Variants in GRM5 observed in about 807,000 individuals in gnomAD.
GRM5 encodes metabotropic glutamate receptor 5.
A neutral mutation model predicts 83.1 loss-of-function variants in GRM5; 19 were observed. The ratio of observed to expected loss-of-function variants is 0.23; its 90% CI spans 0.16 to 0.34. GRM5 has a LOEUF of 0.34. Among genes scored for constraint, GRM5 ranks in the 10% least tolerant of loss-of-function variants. The pLI, the probability that GRM5 is intolerant of heterozygous loss-of-function variation, is 1.00. For synonymous variants in GRM5, 675 were observed against 633.6 expected (o/e 1.07, Z -0.98); for missense variants, 1,160 against 1,588.3 (o/e 0.73, Z 4.58).
intron 2 of GRM5, among the ~76,000 whole-genome samples, chr11:89,004,364 A>C (rs1368444332): frequency 6.6e-6 from 1 of 152,342 alleles, no homozygotes; most frequent in Middle Eastern, 3.4e-3. Context: ...TAATATTGAC[A>C]TTTATATGCT....
chr11:88,676,666 T>G (rs1940336261), intron 3 of GRM5, among the ~76,000 whole-genome samples: 1 of 152,094 alleles, frequency 6.6e-6, no homozygotes, highest in Non-Finnish European at 1.5e-5. Flanking sequence ...AATTTTGGAA[T>G]GAATAAGTGT....
In GRM5 at chr11:88,894,625, A is replaced by C. The variant is rs867163771; in HGVS notation, c.662-44470T>G. On this transcript the variant is annotated intron_variant, in intron 2 of 9. Coordinates refer to ENST00000305447, the MANE Select transcript of GRM5 (RefSeq NM_001143831.3). ...GGCTGTGTGCTTGAACTTGGAACTT[A>C]ATGGCAGAATCGGTTTTATCTTCAC... Among the ~76,000 whole-genome samples, 34 of 151,944 alleles carry C rather than the reference A, an allele frequency of 2.2e-4. No individual in the cohort carries two copies. The Middle Eastern group carries it at 0.01, about 46-fold the overall frequency.
At chr11:88,557,285 A>G (rs1388555349) in intron 8 of GRM5, among the ~76,000 whole-genome samples, 3 of 152,186 alleles carry the variant, frequency 2.0e-5, no homozygotes, top group African/African-American at 7.2e-5. Context: ...TCTGTCATAA[A>G]GTAGTTGCTC....
At chr11:88,793,209 G>C (rs1410386623) in intron 3 of GRM5, among the ~76,000 whole-genome samples, 1 of 152,042 alleles carries the variant, frequency 6.6e-6, no homozygotes, top group African/African-American at 2.4e-5. Context: ...ATATAATCTA[G>C]CCCAAACTTA....
chr11:88,837,525 A>G (rs564249585), intron 3 of GRM5, among the ~76,000 whole-genome samples: 13 of 152,362 alleles, frequency 8.5e-5, no homozygotes, highest in Non-Finnish European at 1.5e-4. Context: ...TTAAATATTT[A>G]TCTAAACAAA....
At chr11:88,683,502 AT>A (rs1223695124) in intron 3 of GRM5, among the ~76,000 whole-genome samples, 1 of 152,196 alleles carries the variant, frequency 6.6e-6, no homozygotes, top group East Asian at 1.9e-4. Flanking sequence ...TCTGGGTATA[AT>A]GTGATAAGCT....
rs531326809 is a variant in GRM5 at position 88,796,267 on chromosome 11, G to T, written c.911+53639C>A. Among the ~76,000 whole-genome samples, 3 of 152,074 alleles carry T rather than the reference G, an allele frequency of 2.0e-5. No homozygotes were observed. The East Asian group carries it at 5.8e-4, about 29-fold the overall frequency. Reference sequence around the variant, plus strand: ...GCAATTAGCATTCTGTTATATTTTTGTTCCTATGAATCATCAATTTCAAAT... The same window carrying T: ...GCAATTAGCATTCTGTTATATTTTTTTTCCTATGAATCATCAATTTCAAAT... On this transcript the variant is annotated intron_variant, in intron 3 of 9. Transcript: ENST00000305447.
At chr11:88,644,140 T>C (rs1939375926) in intron 4 of GRM5, among the ~76,000 whole-genome samples, 1 of 152,202 alleles carries the variant, frequency 6.6e-6, no homozygotes, top group African/African-American at 2.4e-5. Context: ...ATTTCAATAA[T>C]TCTTAATTTA....
At chr11:88,966,705 C>A (rs1454159542) in intron 2 of GRM5, among the ~76,000 whole-genome samples, 1 of 152,120 alleles carries the variant, frequency 6.6e-6, no homozygotes, top group Non-Finnish European at 1.5e-5. Flanking sequence ...CTCATAACCT[C>A]AAGTTCATGG....
chr11:89,010,308 A>G (rs1940660326), intron 2 of GRM5, among the ~76,000 whole-genome samples: 1 of 152,198 alleles, frequency 6.6e-6, no homozygotes, highest in African/African-American at 2.4e-5. Context: ...AGATTTTATC[A>G]TGACACTACC....
In GRM5 at chr11:88,567,019, G is replaced by T; in HGVS notation, c.2630+34C>A. 7.3e-7 allele frequency: 1 copy of T among 1,368,318 alleles called. No homozygotes were observed. The highest frequency in any genetic ancestry group is 1.0e-6 in the Non-Finnish European group (1 of 986,792). 84.8% of individuals were successfully genotyped at this position (1,368,318 alleles called of 1,614,324 possible). On this transcript the variant is annotated intron_variant, in intron 8 of 9. Coordinates refer to ENST00000305447, the MANE Select transcript of GRM5 (RefSeq NM_001143831.3). This position sits in a 1 kb window ranked among gnomAD's most constrained non-coding sequence, Gnocchi z 7.3. ...CACATGCCTCTGCTCCAGTTTTAGGGGCCAGCATCCCTGTAAGCCCCCACA... is the reference window on the plus strand; with the variant it reads ...CACATGCCTCTGCTCCAGTTTTAGGTGCCAGCATCCCTGTAAGCCCCCACA...
intron 3 of GRM5, among the ~76,000 whole-genome samples, chr11:88,672,469 C>A (rs1940219091): frequency 6.6e-6 from 1 of 151,760 alleles, no homozygotes. Flanking sequence ...TAACAAAGAC[C>A]TATACAAAAT....
intron 2 of GRM5, among the ~76,000 whole-genome samples, chr11:89,033,357 T>A (rs1311890751): frequency 6.6e-6 from 1 of 151,888 alleles, no homozygotes; most frequent in Non-Finnish European, 1.5e-5. Flanking sequence ...TATAAAAGTA[T>A]CAGAAACAAA....
At chr11:88,718,497 T>C (rs554167937) in intron 3 of GRM5, among the ~76,000 whole-genome samples, 65 of 152,140 alleles carry the variant, frequency 4.3e-4, no homozygotes, top group African/African-American at 1.5e-3. Context: ...AGTTTTACAG[T>C]GCAAATGTAT....
At chr11:88,768,586 A>G (rs937094207) in intron 3 of GRM5, among the ~76,000 whole-genome samples, 6 of 151,708 alleles carry the variant, frequency 4.0e-5, no homozygotes, top group African/African-American at 1.5e-4. Context: ...AATGTTGAAT[A>G]TGATCCATTT....
chr11:88,670,969 T>C (rs1050231772), intron 3 of GRM5, among the ~76,000 whole-genome samples: 4 of 151,950 alleles, frequency 2.6e-5, no homozygotes, highest in Admixed American at 2.6e-4. Context: ...ACAGAAATGC[T>C]ATTAAATACA....
At chr11:89,007,173 A>C (rs1758900022) in intron 2 of GRM5, among the ~76,000 whole-genome samples, 1 of 152,182 alleles carries the variant, frequency 6.6e-6, no homozygotes, top group Admixed American at 6.5e-5. Context: ...CTATCATAGG[A>C]TCTCCCAGGA....
At chr11:88,741,362 T>C (rs1380145137) in intron 3 of GRM5, among the ~76,000 whole-genome samples, 1 of 152,058 alleles carries the variant, frequency 6.6e-6, no homozygotes, top group East Asian at 1.9e-4. Flanking sequence ...AACACAGTAA[T>C]CTCACTCCCA....
At chr11:88,569,220 C>A (rs961816136) in intron 7 of GRM5, among the ~76,000 whole-genome samples, 4 of 152,160 alleles carry the variant, frequency 2.6e-5, no homozygotes, top group African/African-American at 9.7e-5. Flanking sequence ...TTCTAATGTG[C>A]AACCAAAGTT....
Sources: allele counts gnomAD v4.1 joint callset (sites outside exome capture counted in the v4.1 genomes callset), GRCh38; gene constraint gnomAD v4.1.1; non-coding constraint Gnocchi (gnomAD v3.1); transcripts MANE v1.5; gene names NCBI Gene and HGNC (gene_info 2026-07-23, HGNC 2026-07-21).